GPHN: variants seen among roughly 807,000 people sequenced by gnomAD.
The protein encoded by GPHN is gephyrin.
GPHN carries 17 observed loss-of-function variants against 95.5 expected under a neutral mutation model. That is an observed-to-expected ratio of 0.18 (90% CI 0.12 to 0.27). The LOEUF (loss-of-function observed/expected upper bound fraction) is 0.27, where lower values mean the gene tolerates loss of function less well. Ranked by LOEUF, GPHN falls within the 10% of genes least tolerant of loss-of-function variation. The pLI is 1.00. For missense variants in GPHN, 660 were observed against 978.1 expected (o/e 0.67, Z 4.34); for synonymous variants, 320 against 322.5 (o/e 0.99, Z 0.08).
At chr14:67,521,359 C>G in the GPHN span, among the ~76,000 whole-genome samples, 2 of 152,234 alleles carry the variant, frequency 1.3e-5, no homozygotes, top group South Asian at 4.1e-4. Flanking sequence ...TAAAATGTCA[C>G]AGAGGGATGG....
At chr14:67,427,864 A>C in the GPHN span, among the ~76,000 whole-genome samples, 1 of 151,740 alleles carries the variant, frequency 6.6e-6, no homozygotes, top group Non-Finnish European at 1.5e-5. Context: ...GACCATCCCC[A>C]AAAGCCTCTC....
chr14:67,711,948 T>G, the GPHN span, among the ~76,000 whole-genome samples: 2 of 152,160 alleles, frequency 1.3e-5, no homozygotes, highest in African/African-American at 4.8e-5. Flanking sequence ...AGACGGAGTT[T>G]TGCTCTTGTT....
intron 2 of GPHN, chr14:66,760,706 G>A (rs140962497): frequency 4.4e-6 from 2 of 450,530 alleles, no homozygotes; most frequent in African/African-American, 4.1e-5. Flanking sequence ...CCATAAAGCA[G>A]CTGGCAAAGC....
the GPHN span, among the ~76,000 whole-genome samples, chr14:67,424,504 T>TG: frequency 7.2e-6 from 1 of 139,080 alleles, no homozygotes; most frequent in Non-Finnish European, 1.5e-5. Context: ...GAGGCTGAGG[T>TG]GGGGGGAGTG....
chr14:66,708,763 C>T (rs1407493545), intron 2 of GPHN, among the ~76,000 whole-genome samples: 1 of 151,974 alleles, frequency 6.6e-6, no homozygotes, highest in South Asian at 2.1e-4. Flanking sequence ...TTTCTAGTTA[C>T]ATAGTTTTCA....
intron 8 of GPHN, among the ~76,000 whole-genome samples, chr14:66,938,101 A>G (rs776581249): frequency 6.6e-6 from 1 of 152,146 alleles, no homozygotes; most frequent in Non-Finnish European, 1.5e-5. Flanking sequence ...TTAGATGACC[A>G]TCATTCTCAA....
chr14:67,589,425 C>CTGA, the GPHN span: 17 of 985,004 alleles, frequency 1.7e-5, no homozygotes, highest in African/African-American at 5.3e-5. Flanking sequence ...AGCTTTTGAA[C>CTGA]TGATATAAAA....
intron 2 of GPHN, among the ~76,000 whole-genome samples, chr14:66,756,173 G>A (rs1407290457): frequency 6.6e-6 from 1 of 151,994 alleles, no homozygotes; most frequent in Non-Finnish European, 1.5e-5. Context: ...AACTTTAAAA[G>A]TACTTATGGA....
intron 11 of GPHN, among the ~76,000 whole-genome samples, chr14:67,070,715 A>AAAAAAAATATATAT: frequency 2.5e-5 from 2 of 80,700 alleles, no homozygotes; most frequent in Non-Finnish European, 3.7e-5. Context: ...AAAAAAAAAA[A>AAAAAAAATATATAT]ATATATATAT....
intron 9 of GPHN, among the ~76,000 whole-genome samples, chr14:67,017,698 T>C (rs921348636): frequency 1.8e-4 from 28 of 152,232 alleles, no homozygotes; most frequent in Middle Eastern, 3.4e-3. Flanking sequence ...AAAACTTTTA[T>C]TGGACTCCAA....
chr14:67,350,494 A>G, the GPHN span: 1 of 766,930 alleles, frequency 1.3e-6, no homozygotes, highest in South Asian at 2.0e-5. Context: ...CTTTCTTATT[A>G]TTACTATATC....
At chr14:67,256,407 T>G in the GPHN span, among the ~76,000 whole-genome samples, 1 of 152,134 alleles carries the variant, frequency 6.6e-6, no homozygotes, top group Non-Finnish European at 1.5e-5. Flanking sequence ...TATTATATAT[T>G]TTAAAAAAAC....
the GPHN span, among the ~76,000 whole-genome samples, chr14:67,552,985 A>G: frequency 2.6e-5 from 4 of 152,200 alleles, no homozygotes; most frequent in African/African-American, 9.6e-5. Flanking sequence ...GTTGTCAATA[A>G]CAGAGCGATT....
intron 4 of GPHN, among the ~76,000 whole-genome samples, chr14:66,826,641 G>C (rs1022296400): frequency 1.3e-5 from 2 of 152,130 alleles, no homozygotes; most frequent in Non-Finnish European, 2.9e-5. Flanking sequence ...AAACCTCCTG[G>C]AAACACTTTA....
At chr14:67,453,451 C>T in the GPHN span, among the ~76,000 whole-genome samples, 1 of 152,232 alleles carries the variant, frequency 6.6e-6, no homozygotes, top group East Asian at 1.9e-4. Context: ...TCAGCCTGCT[C>T]AGGTACCCGG....
chr14:67,072,164 G>A (rs1397518650), intron 11 of GPHN, among the ~76,000 whole-genome samples: 2 of 152,026 alleles, frequency 1.3e-5, no homozygotes, highest in African/African-American at 2.4e-5. Flanking sequence ...CAGAATGTAT[G>A]CAGTGGAAAA....
At chr14:66,731,994 G>C (rs1489993906) in intron 2 of GPHN, among the ~76,000 whole-genome samples, 1 of 152,142 alleles carries the variant, frequency 6.6e-6, no homozygotes, top group Non-Finnish European at 1.5e-5. Context: ...TGGGCCTGAG[G>C]GTGCACAGAA....
At chr14:67,687,544 TCAC>T in the GPHN span, among the ~76,000 whole-genome samples, 10 of 146,860 alleles carry the variant, frequency 6.8e-5, no homozygotes. Context: ...TGATCTCAGC[TCAC>T]CACAACCTCT....
intron 12 of GPHN, among the ~76,000 whole-genome samples, chr14:67,099,522 A>T (rs2077578273): frequency 6.6e-6 from 1 of 150,420 alleles, no homozygotes; most frequent in Non-Finnish European, 1.5e-5. Context: ...TTTTACAAGT[A>T]AAAACTGAAC....
Sources: gnomAD v4.1 joint callset for allele counts (sites outside exome capture counted in the v4.1 genomes callset) on GRCh38, gnomAD v4.1.1 for gene constraint, MANE v1.5 for transcripts, NCBI Gene and HGNC (gene_info 2026-07-23, HGNC 2026-07-21) for gene names.